The following UBE3B variants were observed in gnomAD, a reference collection of about 807,000 sequenced individuals.
UBE3B encodes ubiquitin protein ligase E3B, also known as ubiquitin-protein ligase E3B.
In UBE3B, 80 loss-of-function variants were observed where a neutral mutation model predicts 132.3. That is an observed-to-expected ratio of 0.60 (90% CI 0.50 to 0.73). The LOEUF (loss-of-function observed/expected upper bound fraction) is 0.73. Ranked by LOEUF, UBE3B falls within the 30% of genes least tolerant of loss-of-function variation. The probability of loss-of-function intolerance (pLI) is 0.00; values close to 1 mark genes in which losing one functional copy is unlikely to be tolerated. For missense variants in UBE3B, 1,196 were observed against 1,362.5 expected, an observed-to-expected ratio of 0.88 and a Z score of 1.92; for synonymous variants, 487 against 520.4, an observed-to-expected ratio of 0.94 and a Z score of 0.87.
intron 7 of UBE3B, among the ~76,000 whole-genome samples, chr12:109,489,590 C>A (rs1400601324): frequency 2.0e-5 from 3 of 152,146 alleles, no homozygotes; most frequent in Non-Finnish European, 4.4e-5. Flanking sequence ...GAGTAGGCAT[C>A]CCCCTGGCGA....
downstream of UBE3B, among the ~76,000 whole-genome samples, chr12:109,539,612 C>T (rs1883566929): frequency 6.6e-6 from 1 of 152,216 alleles, no homozygotes; most frequent in Non-Finnish European, 1.5e-5. Context: ...TGAAAAGCCC[C>T]AGTCTGTGCC....
downstream of UBE3B, among the ~76,000 whole-genome samples, chr12:109,539,406 G>T (rs1196480828): frequency 3.3e-5 from 5 of 152,236 alleles, no homozygotes; most frequent in South Asian, 1.0e-3. Flanking sequence ...GCTGAGTGCA[G>T]ATCTTACGAG....
chr12:109,516,534 C>G (rs1006073290), intron 18 of UBE3B, among the ~76,000 whole-genome samples: 14 of 152,138 alleles, frequency 9.2e-5, no homozygotes, highest in Non-Finnish European at 4.4e-5. Flanking sequence ...AGCCAGACCA[C>G]TCTTTCCGGA....
chr12:109,532,166 G>A (rs1416778063), intron 26 of UBE3B, among the ~76,000 whole-genome samples: 1 of 152,138 alleles, frequency 6.6e-6, no homozygotes, highest in African/African-American at 2.4e-5. Flanking sequence ...ACCTGAGCCG[G>A]CCTAAATTGG....
At chr12:109,531,802 G>A (rs1271813300) in intron 26 of UBE3B, among the ~76,000 whole-genome samples, 5 of 152,108 alleles carry the variant, frequency 3.3e-5, no homozygotes, top group Admixed American at 6.5e-5. Flanking sequence ...AGCAGTTTCT[G>A]CCAAGCTATA....
intron 18 of UBE3B, among the ~76,000 whole-genome samples, chr12:109,513,116 T>C (rs773641603): frequency 3.3e-5 from 5 of 152,190 alleles, no homozygotes; most frequent in Non-Finnish European, 7.3e-5. Context: ...ACCTCGTCTT[T>C]GTTTGAAATA....
the UBE3B span, among the ~76,000 whole-genome samples, chr12:109,544,669 G>A: frequency 1.2e-4 from 18 of 152,098 alleles, no homozygotes; most frequent in African/African-American, 4.3e-4. Flanking sequence ...GGACTCTTGG[G>A]TGTCACTGGG....
rs1193588376 is a variant in UBE3B, at chr12:109,521,634, G to T, written c.2364+83G>T. ...TCTTCACATACACATATGTGATCAG[G>T]CTTGGCCATGTAAACTGTCACTAGG... On this transcript the variant is annotated intron_variant, in intron 21 of 27. Transcript: ENST00000342494. The surrounding 1 kb of genome is among the most constrained non-coding windows in gnomAD (Gnocchi z 4.2). The T allele has an allele frequency of 1.5e-6, 2 of 1,299,536 alleles. No individual in the cohort carries two copies. Among genetic ancestry groups the T allele is most frequent in the Non-Finnish European group, 2.1e-6 (2 of 955,144 alleles). The allele number at this position is 1,299,536 out of a possible 1,614,324, so 80.5% of individuals were successfully genotyped here. A position where few individuals can be genotyped will look rare whatever the true frequency, so the allele number is the denominator to read the frequency against.
intron 9 of UBE3B, 99 bp downstream of exon 9, chr12:109,491,226 C>A: frequency 1.8e-6 from 2 of 1,118,032 alleles, no homozygotes; most frequent in African/African-American, 1.6e-5. Flanking sequence ...ATAGACTTGC[C>A]CATTTTGTCA....
At chr12:109,507,850 G>A (rs1879882062) in intron 15 of UBE3B, 115 bp downstream of exon 15, 3 of 1,257,202 alleles carry the variant, frequency 2.4e-6, no homozygotes, top group Non-Finnish European at 3.3e-6. Context: ...GGACCTGTGT[G>A]GCAGGGCATT....
intron 23 of UBE3B, among the ~76,000 whole-genome samples, chr12:109,524,892 G>A (rs921926073): frequency 2.6e-5 from 4 of 151,862 alleles, no homozygotes; most frequent in African/African-American, 9.7e-5. Flanking sequence ...TTCATTCTCA[G>A]CATACAGAGC....
At chr12:109,479,895 C>T (rs1875064751) in intron 1 of UBE3B, among the ~76,000 whole-genome samples, 1 of 152,202 alleles carries the variant, frequency 6.6e-6, no homozygotes, top group Non-Finnish European at 1.5e-5. Flanking sequence ...GCTCCCTCTT[C>T]CCCTTCTAAT....
At chr12:109,486,602 A>C in intron 6 of UBE3B, 27 bp downstream of exon 6, 1 of 1,335,514 alleles carries the variant, frequency 7.5e-7, no homozygotes, top group East Asian at 2.3e-5. Flanking sequence ...AAAAAAAAAA[A>C]AGCAAAACCA....
At chr12:109,489,064 G>C (rs557813966) in intron 7 of UBE3B, among the ~76,000 whole-genome samples, 1 of 152,090 alleles carries the variant, frequency 6.6e-6, no homozygotes, top group Non-Finnish European at 1.5e-5. Context: ...GGTAAGTGTC[G>C]TTAGTGCCGT....
At chr12:109,520,929 T>G (rs1881633555) in intron 19 of UBE3B, 4 of 500,124 alleles carry the variant, frequency 8.0e-6, no homozygotes, top group Non-Finnish European at 1.4e-5. Flanking sequence ...CAGTCTCCCC[T>G]TGCCAAGGAG....
rs142435033 is a variant in UBE3B at position 109,507,458 on chromosome 12, A to G, written c.1451-106A>G. 1.9e-4 allele frequency: 231 copies of G among 1,236,512 alleles called. 1 individual carries two copies. In the African/African-American group the frequency reaches 3.3e-3, roughly 18 times the overall value. The allele number at this position is 1,236,512 out of a possible 1,614,324, so 76.6% of individuals were successfully genotyped here. ...CCCACCTTCTTTTCACGCACATTAA[A>G]TGTTCATGGATAGGTTTAAGTGTTT... On this transcript the variant is annotated intron_variant, in intron 14 of 27. Coordinates refer to ENST00000342494, the MANE Select transcript of UBE3B (RefSeq NM_130466.4).
intron 27 of UBE3B, chr12:109,533,932 ACTCCTACC>A (rs1205613173): frequency 7.6e-7 from 1 of 1,317,806 alleles, no homozygotes; most frequent in Non-Finnish European, 9.9e-7. Flanking sequence ...CTCGAATGCT[ACTCCTACC>A]CCAGCAGGCT....
At chr12:109,483,268 A>G (rs1189635989) in intron 2 of UBE3B, among the ~76,000 whole-genome samples, 1 of 152,162 alleles carries the variant, frequency 6.6e-6, no homozygotes, top group Non-Finnish European at 1.5e-5. Flanking sequence ...CCCTTATCCT[A>G]TGCCAGGTGC....
rs917485393 is a variant in UBE3B, at chr12:109,534,930, A to C, written c.*148A>C. Reference sequence around the variant, plus strand: ...TAGCCATGAGACTCCTTGTGGCCTCAAGAAATTTAGACGCCCACGACAGCA... The same window carrying C: ...TAGCCATGAGACTCCTTGTGGCCTCCAGAAATTTAGACGCCCACGACAGCA... On this transcript the variant is annotated 3_prime_UTR_variant, in exon 28 of 28. Coordinates refer to ENST00000342494, the MANE Select transcript of UBE3B (RefSeq NM_130466.4). The surrounding 1 kb of genome is among the most constrained non-coding windows in gnomAD (Gnocchi z 5.2). 1 of 585,560 alleles carries C rather than the reference A, an allele frequency of 1.7e-6. No individual in the cohort carries two copies. The highest frequency in any genetic ancestry group is 2.7e-6 in the Non-Finnish European group (1 of 372,406). The allele number at this position is 585,560 out of a possible 1,614,324, so 36.3% of individuals were successfully genotyped here.
Sources: gnomAD v4.1 joint callset for allele counts (sites outside exome capture counted in the v4.1 genomes callset) on GRCh38, gnomAD v4.1.1 for gene constraint, Gnocchi (gnomAD v3.1) non-coding constraint, MANE v1.5 for transcripts, NCBI Gene and HGNC (gene_info 2026-07-23, HGNC 2026-07-21) for gene names.